Variants in ERC1 observed in about 807,000 individuals in gnomAD.
The protein encoded by ERC1 is RAB6 interacting protein 2.
In ERC1, 56 loss-of-function variants were observed where a neutral mutation model predicts 132.0. That is an observed-to-expected ratio of 0.42 (90% confidence interval 0.34 to 0.53). ERC1 has a LOEUF of 0.53. Ranked by LOEUF, ERC1 falls within the 20% of genes least tolerant of loss-of-function variation. The probability of loss-of-function intolerance (pLI) is 0.03; values close to 1 mark genes in which losing one functional copy is unlikely to be tolerated. For synonymous variants in ERC1, 478 were observed against 476.1 expected, an observed-to-expected ratio of 1.00 and a Z score of -0.05; for missense variants, 1,202 against 1,349.9, an observed-to-expected ratio of 0.89 and a Z score of 1.72.
At chr12:999,669 T>C (rs1489160034) in intron 1 of ERC1, among the ~76,000 whole-genome samples, 1 of 136,780 alleles carries the variant, frequency 7.3e-6, no homozygotes, top group East Asian at 2.3e-4. Flanking sequence ...TGGAGTGCAA[T>C]GGTGCAACCT....
chr12:1,415,833 G>A (rs1045092215), intron 17 of ERC1, among the ~76,000 whole-genome samples: 1 of 152,178 alleles, frequency 6.6e-6, no homozygotes, highest in African/African-American at 2.4e-5. Context: ...TTAGAACAAA[G>A]CCAATGGAAT....
intron 8 of ERC1, among the ~76,000 whole-genome samples, chr12:1,143,380 G>T (rs909767300): frequency 3.0e-5 from 4 of 134,296 alleles, no homozygotes; most frequent in African/African-American, 5.9e-5. Context: ...GTGTGTGTGT[G>T]TTCAGACTTC....
intron 12 of ERC1, among the ~76,000 whole-genome samples, chr12:1,205,441 G>C (rs1174838198): frequency 1.4e-5 from 2 of 147,822 alleles, no homozygotes; most frequent in Non-Finnish European, 3.0e-5. Flanking sequence ...ATATATATTT[G>C]CTGTTTATAA....
intron 15 of ERC1, among the ~76,000 whole-genome samples, chr12:1,366,437 A>C (rs1440596329): frequency 6.6e-6 from 1 of 152,234 alleles, no homozygotes; most frequent in Non-Finnish European, 1.5e-5. Context: ...AGAAATTAGC[A>C]GTTAAGTGAG....
chr12:1,318,316 G>C (rs2081904306), intron 15 of ERC1, among the ~76,000 whole-genome samples: 1 of 152,024 alleles, frequency 6.6e-6, no homozygotes, highest in South Asian at 2.1e-4. Context: ...GTATAACTAG[G>C]GTAGACTTAA....
At chr12:1,038,440 C>T (rs1398956001) in intron 2 of ERC1, among the ~76,000 whole-genome samples, 3 of 151,934 alleles carry the variant, frequency 2.0e-5, no homozygotes, top group African/African-American at 7.3e-5. Context: ...CGGCTCACTG[C>T]AACCTCCGCC....
intron 12 of ERC1, among the ~76,000 whole-genome samples, chr12:1,206,901 C>T (rs1331887048): frequency 1.3e-5 from 2 of 152,054 alleles, no homozygotes; most frequent in Admixed American, 1.3e-4. Flanking sequence ...CCAGAGGTTG[C>T]ACATTTTTTG....
chr12:1,343,861 T>A (rs1356481517), intron 15 of ERC1, among the ~76,000 whole-genome samples: 1 of 151,928 alleles, frequency 6.6e-6, no homozygotes. Flanking sequence ...TTTTTTTTTT[T>A]AAGACAGTCT....
intron 2 of ERC1, among the ~76,000 whole-genome samples, chr12:1,040,595 C>T (rs998814817): frequency 5.3e-5 from 8 of 152,038 alleles, no homozygotes; most frequent in South Asian, 2.1e-4. Context: ...CGTGAGCCAC[C>T]GTGCCCGGCC....
chr12:1,114,511 G>A (rs1476889314), intron 6 of ERC1, among the ~76,000 whole-genome samples: 1 of 152,144 alleles, frequency 6.6e-6, no homozygotes, highest in Non-Finnish European at 1.5e-5. Flanking sequence ...TGAGAAAATG[G>A]TAACACTTTG....
At position 1,083,349 on chromosome 12, in the gene ERC1, A is replaced by G. The variant is rs1942503163; in HGVS notation, c.855A>G (p.Arg285=). The G allele has an allele frequency of 6.2e-7, 1 of 1,614,150 alleles. No individual in the cohort carries two copies. Among genetic ancestry groups the G allele is most frequent in the Non-Finnish European group, 8.5e-7 (1 of 1,180,014 alleles). ...ERQAKELFLL[R]KTLEEMELRI... ...AGGCCAAAGAGCTGTTTCTTCTTCG[A>G]AAGACATTGGAGGAAATGGAGCTGC... Residue 285 remains arginine, a synonymous_variant, in exon 3 of 19, where the codon CGA becomes CGG. Coordinates refer to ENST00000360905, the MANE Select transcript of ERC1 (RefSeq NM_178040.4).
intron 15 of ERC1, among the ~76,000 whole-genome samples, chr12:1,327,794 C>T (rs200010827): frequency 6.6e-6 from 1 of 152,170 alleles, no homozygotes; most frequent in East Asian, 1.9e-4. Flanking sequence ...CACCTGACAG[C>T]TTGAACATTC....
At chr12:1,105,291 TCATTC>T (rs1004634524) in intron 4 of ERC1, among the ~76,000 whole-genome samples, 1 of 152,244 alleles carries the variant, frequency 6.6e-6, no homozygotes, top group Non-Finnish European at 1.5e-5. Flanking sequence ...GTACGCAGCT[TCATTC>T]CATTTGTCAC....
chr12:1,411,545 C>T (rs1056715540), intron 17 of ERC1, among the ~76,000 whole-genome samples: 1 of 152,126 alleles, frequency 6.6e-6, no homozygotes, highest in African/African-American at 2.4e-5. Flanking sequence ...AGTTGAAACG[C>T]ACTGGGTCAA....
chr12:1,046,421 A>G (rs1971088869), intron 2 of ERC1, among the ~76,000 whole-genome samples: 1 of 152,218 alleles, frequency 6.6e-6, no homozygotes, highest in Non-Finnish European at 1.5e-5. Context: ...AAAAATTAAT[A>G]TATTGTGATA....
chr12:1,347,181 A>G (rs1275311026), intron 15 of ERC1, among the ~76,000 whole-genome samples: 1 of 152,180 alleles, frequency 6.6e-6, no homozygotes, highest in African/African-American at 2.4e-5. Context: ...TAGGTATTTT[A>G]CTGTTTCACG....
intron 1 of ERC1, among the ~76,000 whole-genome samples, chr12:1,008,398 T>C (rs1964096663): frequency 6.6e-6 from 1 of 152,206 alleles, no homozygotes; most frequent in Non-Finnish European, 1.5e-5. Context: ...AAAATATGAT[T>C]TACAACACAT....
intron 15 of ERC1, among the ~76,000 whole-genome samples, chr12:1,363,948 T>C (rs1235732532): frequency 6.6e-6 from 1 of 152,236 alleles, no homozygotes; most frequent in East Asian, 1.9e-4. Flanking sequence ...ATCTTGGACA[T>C]TGTGCTTTGC....
intron 1 of ERC1, among the ~76,000 whole-genome samples, chr12:1,003,091 A>G (rs572827913): frequency 2.3e-5 from 3 of 128,394 alleles, no homozygotes; most frequent in East Asian, 4.5e-4. Flanking sequence ...TCTCTATGAA[A>G]AATGCAAAAA....
Sources: gnomAD v4.1 joint callset for allele counts (sites outside exome capture counted in the v4.1 genomes callset) on GRCh38, gnomAD v4.1.1 for gene constraint, MANE v1.5 for transcripts, NCBI Gene and HGNC (gene_info 2026-07-23, HGNC 2026-07-21) for gene names.